Variants in SLC41A3 observed in about 807,000 individuals in gnomAD.
SLC41A3 encodes the protein SLC41A1-like 2.
SLC41A3 carries 44 observed loss-of-function variants against 45.4 expected under a neutral mutation model. The ratio of observed to expected loss-of-function variants is 0.97; its 90% confidence interval spans 0.76 to 1.25. SLC41A3 has a LOEUF of 1.25. Among genes scored for constraint, SLC41A3 ranks in the 50% most tolerant of loss-of-function variants. The pLI is 0.00. For missense variants in SLC41A3, 550 were observed against 600.6 expected (o/e 0.92, Z 0.88); for synonymous variants, 256 against 252.4 (o/e 1.01, Z -0.13).
At chr3:126,093,457 C>T (rs1214583921) in intron 1 of SLC41A3, among the ~76,000 whole-genome samples, 2 of 152,184 alleles carry the variant, frequency 1.3e-5, no homozygotes, top group African/African-American at 4.8e-5. Flanking sequence ...TTTCCCCTAC[C>T]ACAGCCGGTA....
At chr3:126,017,774 C>A (rs1225195420) in intron 6 of SLC41A3, among the ~76,000 whole-genome samples, 1 of 152,134 alleles carries the variant, frequency 6.6e-6, no homozygotes, top group Non-Finnish European at 1.5e-5. Flanking sequence ...CAGGAACATC[C>A]GCTCCTTCCT....
At chr3:126,064,192 A>G (rs1944233087) in intron 2 of SLC41A3, among the ~76,000 whole-genome samples, 1 of 151,948 alleles carries the variant, frequency 6.6e-6, no homozygotes, top group Non-Finnish European at 1.5e-5. Flanking sequence ...ACACCTGGAG[A>G]AAGCAAGATA....
intron 1 of SLC41A3, among the ~76,000 whole-genome samples, chr3:126,096,057 A>G (rs1279811385): frequency 1.3e-5 from 2 of 152,160 alleles, no homozygotes; most frequent in East Asian, 1.9e-4. Flanking sequence ...CTAGAAGGAC[A>G]CTCTACAAAC....
intron 2 of SLC41A3, among the ~76,000 whole-genome samples, chr3:126,060,898 A>G (rs1017559814): frequency 6.6e-6 from 1 of 152,220 alleles, no homozygotes; most frequent in African/African-American, 2.4e-5. Context: ...GTGCTCACCC[A>G]TCAGGGGCAC....
intron 1 of SLC41A3, among the ~76,000 whole-genome samples, chr3:126,073,691 TA>T (rs762246438): frequency 5.6e-4 from 85 of 152,000 alleles, no homozygotes; most frequent in Non-Finnish European, 1.1e-3. Context: ...AAAATATTAA[TA>T]GATCTACAGA....
chr3:126,010,678 A>G (rs956993888), intron 9 of SLC41A3, among the ~76,000 whole-genome samples: 1 of 152,264 alleles, frequency 6.6e-6, no homozygotes, highest in East Asian at 1.9e-4. Flanking sequence ...GGTGAGATTC[A>G]GAACTTTCAT....
At chr3:126,087,704 CAAGA>C (rs1945420860), upstream of SLC41A3, among the ~76,000 whole-genome samples, 1 of 151,402 alleles carries the variant, frequency 6.6e-6, no homozygotes, top group South Asian at 2.1e-4. Flanking sequence ...CTAGGTTGTT[CAAGA>C]AAGATATTTA....
chr3:126,006,978 G>A lies in SLC41A3; in HGVS notation c.*38C>T, dbSNP rs756405332. 7.4e-6 allele frequency: 12 copies of A among 1,613,362 alleles called. No individual in the cohort carries two copies. Among genetic ancestry groups the A allele is most frequent in the Admixed American group, 5.0e-5 (3 of 59,982 alleles). ...AATTCTGTATCCCACTGATGTGAGA[G>A]GAAATTCTAATGAGCAAATGGGACC... On this transcript the variant is annotated 3_prime_UTR_variant, in exon 11 of 11. Coordinates refer to ENST00000360370, the MANE Select transcript of SLC41A3 (RefSeq NM_017836.4).
At chr3:126,019,598 A>C (rs1229698574) in intron 6 of SLC41A3, among the ~76,000 whole-genome samples, 1 of 152,208 alleles carries the variant, frequency 6.6e-6, no homozygotes, top group Admixed American at 6.5e-5. Context: ...TACAGGCATA[A>C]GGCAGACATT....
At chr3:126,036,608 G>A (rs550422501) in intron 3 of SLC41A3, among the ~76,000 whole-genome samples, 1 of 152,102 alleles carries the variant, frequency 6.6e-6, no homozygotes, top group South Asian at 2.1e-4. Flanking sequence ...GGGGTGCTTC[G>A]CTGCCTCTTC....
At chr3:126,095,283 AC>A in intron 1 of SLC41A3, 2 of 675,532 alleles carry the variant, frequency 3.0e-6, no homozygotes, top group Non-Finnish European at 5.4e-6. Context: ...GATCCCAAGG[AC>A]CCCCTGTTGC....
At chr3:126,047,319 T>C (rs1943029257) in intron 3 of SLC41A3, among the ~76,000 whole-genome samples, 1 of 150,684 alleles carries the variant, frequency 6.6e-6, no homozygotes, top group Admixed American at 6.6e-5. Flanking sequence ...GCCAGGTTCG[T>C]GCCACTGCAC....
chr3:126,051,947 C>T (rs576798860), intron 2 of SLC41A3, among the ~76,000 whole-genome samples: 1 of 152,132 alleles, frequency 6.6e-6, no homozygotes, highest in East Asian at 1.9e-4. Flanking sequence ...CCACCCAGCC[C>T]CTAGGGACTT....
At chr3:126,018,160 G>C (rs762020614) in intron 6 of SLC41A3, among the ~76,000 whole-genome samples, 5 of 152,152 alleles carry the variant, frequency 3.3e-5, no homozygotes, top group Non-Finnish European at 2.9e-5. Context: ...AGTGACTCCT[G>C]AGTGCAACAG....
chr3:126,034,859 C>A (rs1942069095), intron 3 of SLC41A3, among the ~76,000 whole-genome samples: 1 of 152,248 alleles, frequency 6.6e-6, no homozygotes. Flanking sequence ...AAAGACACTC[C>A]TTTCTCAAAA....
upstream of SLC41A3, among the ~76,000 whole-genome samples, chr3:126,084,818 C>T (rs1261060980): frequency 6.6e-6 from 1 of 152,110 alleles, no homozygotes; most frequent in Admixed American, 6.5e-5. Context: ...CCAAATCATC[C>T]GAATGGACTT....
At chr3:126,012,421 A>G (rs145082963) in intron 9 of SLC41A3, among the ~76,000 whole-genome samples, 194 bp downstream of exon 9, 2 of 152,262 alleles carry the variant, frequency 1.3e-5, no homozygotes, top group East Asian at 3.9e-4. Context: ...GTGGACATTC[A>G]ATAAATAATT....
At chr3:126,037,819 A>G (rs530731662) in intron 3 of SLC41A3, among the ~76,000 whole-genome samples, 2 of 152,342 alleles carry the variant, frequency 1.3e-5, no homozygotes, top group East Asian at 1.9e-4. Flanking sequence ...AGTCAACACA[A>G]TGGGAAAAAA....
chr3:126,035,679 G>C (rs1265115041), intron 3 of SLC41A3, among the ~76,000 whole-genome samples: 1 of 152,242 alleles, frequency 6.6e-6, no homozygotes, highest in Admixed American at 6.5e-5. Flanking sequence ...ACCAAGAGTG[G>C]AGAAGAAGAG....
Sources: gnomAD v4.1 joint callset for allele counts (sites outside exome capture counted in the v4.1 genomes callset) on GRCh38, gnomAD v4.1.1 for gene constraint, MANE v1.5 for transcripts, NCBI Gene and HGNC (gene_info 2026-07-23, HGNC 2026-07-21) for gene names.